SLC6A18: variants seen among roughly 807,000 people sequenced by gnomAD.
SLC6A18 encodes the protein inactive sodium-dependent neutral amino acid transporter B(0)AT3.
In SLC6A18, 58 loss-of-function variants were observed where a neutral mutation model predicts 62.9. The observed-to-expected ratio is 0.92, with a 90% CI of 0.75 to 1.15. The LOEUF (loss-of-function observed/expected upper bound fraction) is 1.15, where lower values mean the gene tolerates loss of function less well. Ranked by LOEUF, SLC6A18 falls within the 50% of genes most tolerant of loss-of-function variation. The pLI is 0.00. For synonymous variants in SLC6A18, 382 were observed against 365.8 expected (o/e 1.04, Z -0.51); for missense variants, 793 against 836.6 (o/e 0.95, Z 0.64).
At chr5:1,233,402 C>T (rs753919507) in intron 3 of SLC6A18, among the ~76,000 whole-genome samples, 22 of 151,972 alleles carry the variant, frequency 1.4e-4, no homozygotes, top group African/African-American at 1.9e-4. Flanking sequence ...TGCTTGAACC[C>T]GGGAAGTGGA....
At position 1,246,138 on chromosome 5, in the gene SLC6A18, G is replaced by A. The variant is rs1053722025; in HGVS notation, c.*60G>A. 7 of 1,429,058 alleles carry A rather than the reference G, an allele frequency of 4.9e-6. No homozygotes were observed. In the African/African-American group the frequency reaches 7.5e-5, roughly 15 times the overall value. The allele number at this position is 1,429,058 out of a possible 1,614,324, so 88.5% of individuals were successfully genotyped here. On this transcript the variant is annotated 3_prime_UTR_variant, in exon 12 of 12. Transcript: ENST00000324642. Reference sequence around the variant, plus strand: ...GTGGGGGGGCTTGGCCTGATGGTGGGCGGGGCCCCGCCCACAGGGCCGACC... The same window carrying A: ...GTGGGGGGGCTTGGCCTGATGGTGGACGGGGCCCCGCCCACAGGGCCGACC...
chr5:1,239,634 A>AAG, intron 6 of SLC6A18, 72 bp downstream of exon 6: 4 of 1,182,596 alleles, frequency 3.4e-6, no homozygotes, highest in Non-Finnish European at 5.0e-6. Context: ...TGATCTCAGG[A>AAG]TCACACTGTG....
rs201512302 is a variant in SLC6A18 at position 1,243,687 on chromosome 5, G to A, written c.1264G>A (p.Val422Met). 425 of 1,613,834 alleles carry A rather than the reference G, an allele frequency of 2.6e-4. No homozygotes were observed. The highest frequency in any genetic ancestry group is 3.3e-4 in the Middle Eastern group (2 of 6,084). Residue 422 changes from valine to methionine, a missense_variant, in exon 9 of 12, where the codon GTG (valine) becomes ATG (methionine). Coordinates refer to ENST00000324642, the MANE Select transcript of SLC6A18 (RefSeq NM_182632.3). This position sits in a 1 kb window ranked among gnomAD's most constrained non-coding sequence, Gnocchi z 6.5. ...GGGGCTATCGACCATGTTCGGGACC[G>A]TGGAGGCGGTCATCACACCCCTGCT... ...TLGLSTMFGT[V>M]EAVITPLLDV...
At chr5:1,229,689 C>T (rs1746673147) in intron 1 of SLC6A18, among the ~76,000 whole-genome samples, 1 of 152,258 alleles carries the variant, frequency 6.6e-6, no homozygotes, top group Non-Finnish European at 1.5e-5. Flanking sequence ...GAAGCCACTA[C>T]TGCGGGATGG....
chr5:1,233,044 G>A (rs557089605), intron 3 of SLC6A18, among the ~76,000 whole-genome samples, 156 bp downstream of exon 3: 44 of 152,346 alleles, frequency 2.9e-4, no homozygotes, highest in Middle Eastern at 3.4e-3. Flanking sequence ...CACGCGCCTC[G>A]GTCTCCCCAG....
Position 1,241,512 on chromosome 5 carries a change from G to A in SLC6A18, c.974+853G>A, listed in dbSNP as rs570063309. On this transcript the variant is annotated intron_variant, in intron 7 of 11. Coordinates refer to ENST00000324642, the MANE Select transcript of SLC6A18 (RefSeq NM_182632.3). This position sits in a 1 kb window ranked among gnomAD's most constrained non-coding sequence, Gnocchi z 7.8. The stretch of plus-strand genomic sequence containing the variant: ...CTGAGTGTTCCAACCCCAGCCTCCT[G>A]TGCTTGGGAGCAGGGCAGCACGTCA... Among the ~76,000 whole-genome samples the A allele has an allele frequency of 6.6e-6, 1 of 152,288 alleles. No individual in the cohort carries two copies. The highest frequency in any genetic ancestry group is 2.1e-4 in the South Asian group (1 of 4,810).
At chr5:1,244,850 C>A in intron 11 of SLC6A18, 83 bp downstream of exon 11, 1 of 1,456,134 alleles carries the variant, frequency 6.9e-7, no homozygotes, top group Non-Finnish European at 9.3e-7. Context: ...CGGTGCCCGA[C>A]GACCCATGCG....
At chr5:1,232,612 T>G (rs1579527034) in intron 2 of SLC6A18, 139 bp from the exon 3 acceptor site, 3 of 1,249,996 alleles carry the variant, frequency 2.4e-6, no homozygotes, top group East Asian at 5.0e-5. Flanking sequence ...ACATGTGAGG[T>G]GTGAGGGAGG....
In SLC6A18 at chr5:1,243,967, G is replaced by A. The variant is rs987570656; in HGVS notation, c.1336+208G>A. Among the ~76,000 whole-genome samples the A allele has an allele frequency of 2.0e-5, 3 of 152,148 alleles. No homozygotes were observed. Among genetic ancestry groups the A allele is most frequent in the Non-Finnish European group, 2.9e-5 (2 of 68,002 alleles). On this transcript the variant is annotated intron_variant, in intron 9 of 11. Coordinates refer to ENST00000324642, the MANE Select transcript of SLC6A18 (RefSeq NM_182632.3). The surrounding 1 kb of genome is among the most constrained non-coding windows in gnomAD (Gnocchi z 6.5). ...GGGTCAGGGCTGCCCCTCCCCCACG[G>A]CCCCGGAGGCCACATCCCCCATCTG...
chr5:1,235,697 T>G (rs1320023450), intron 4 of SLC6A18, 35 bp downstream of exon 4: 1 of 1,610,206 alleles, frequency 6.2e-7, no homozygotes, highest in East Asian at 2.2e-5. Context: ...CCTCTCTTGC[T>G]TCCTCCAGCC....
At chr5:1,238,415 G>GAGGAGGACTTCGGTCTGGGGCAGGT (rs1451924510) in intron 5 of SLC6A18, among the ~76,000 whole-genome samples, 1 of 70,014 alleles carries the variant, frequency 1.4e-5, no homozygotes, top group Non-Finnish European at 2.7e-5. Context: ...AGTGGGCCTG[G>GAGGAGGACTTCGGTCTGGGGCAGGT]GGCCTCAGGA....
chr5:1,229,784 TG>T (rs1375169230), intron 1 of SLC6A18, among the ~76,000 whole-genome samples: 3 of 115,408 alleles, frequency 2.6e-5, no homozygotes, highest in Non-Finnish European at 5.5e-5. Context: ...AGGCTGGGGG[TG>T]GGGGGAAGTG....
Position 1,235,598 on chromosome 5 carries a change from G to C in SLC6A18, c.557G>C (p.Cys186Ser). ...TCCATCCAGTGGTGGCTGCTCATCT[G>C]CTTGGCAGCCTCCTGGGCAGTCGTG... Reference protein sequence around the residue: ...SGSIQWWLLICLAASWAVVYM... With the variant: ...SGSIQWWLLISLAASWAVVYM... The change falls in exon 4 of 12, where the codon TGC becomes TCC. Residue 186 changes from cysteine (C) to serine (S), a missense_variant. By Grantham distance (112) the Cys-to-Ser change is moderately radical. Coordinates refer to ENST00000324642, the MANE Select transcript of SLC6A18 (RefSeq NM_182632.3). The C allele has an allele frequency of 6.2e-7, 1 of 1,614,002 alleles. No individual in the cohort carries two copies. Among genetic ancestry groups the C allele is most frequent in the South Asian group, 1.1e-5 (1 of 91,084 alleles).
chr5:1,245,830 G>T lies in SLC6A18; in HGVS notation c.1657-18G>T. 1 of 1,595,972 alleles carries T rather than the reference G, an allele frequency of 6.3e-7. No homozygotes were observed. On this transcript the variant is annotated intron_variant, in intron 11 of 11. Transcript: ENST00000324642. ...CCCAGGGTGGCCGGCGCCAGCTAAT[G>T]AGGCTGTGGTCCCGCAGGAGCTGTT...
intron 11 of SLC6A18, among the ~76,000 whole-genome samples, 171 bp from the exon 12 acceptor site, chr5:1,245,677 G>A (rs572287336): frequency 6.6e-6 from 1 of 152,368 alleles, no homozygotes; most frequent in African/African-American, 2.4e-5. Context: ...CTGGCCCGGA[G>A]GGGCGGTGGT....
chr5:1,232,349 C>T lies in SLC6A18; in HGVS notation c.291C>T (p.Leu97=), dbSNP rs772222009. 6.2e-7 allele frequency: 1 copy of T among 1,610,680 alleles called. No individual in the cohort carries two copies. Among genetic ancestry groups the T allele is most frequent in the Non-Finnish European group, 8.5e-7 (1 of 1,179,410 alleles). Residue 97 remains leucine (L), a synonymous_variant, in exon 2 of 12, where the codon CTC becomes CTT. Transcript: ENST00000324642. Reference sequence around the variant, plus strand: ...TGTGGACGGCCATCTCCCCGTACCTCAGTGGAGTAGGTAGGCCACCGTCCT... The same window carrying T: ...TGTGGACGGCCATCTCCCCGTACCTTAGTGGAGTAGGTAGGCCACCGTCCT... The part of the protein sequence containing the change: ...VGVWTAISPY[L]SGVGLGCVTL...
chr5:1,245,337 C>T lies in SLC6A18; in HGVS notation c.1657-511C>T, dbSNP rs554807337. Among the ~76,000 whole-genome samples, 18 of 152,328 alleles carry T rather than the reference C, an allele frequency of 1.2e-4. No homozygotes were observed. In the South Asian group the frequency reaches 2.1e-3, roughly 18 times the overall value. On this transcript the variant is annotated intron_variant, in intron 11 of 11. Transcript: ENST00000324642. ...CCCTGACATACCATCTGAGTCCCCA[C>T]TGGTGGCCGCTCAAAACCTCACCAT...
rs961126807 is a variant in SLC6A18, at chr5:1,241,631, A to G, written c.974+972A>G. ...GGCACTCACAGGCCACAGAAGGGAC[A>G]GTGTTTTACAGGATGAGCCGGGTCA... On this transcript the variant is annotated intron_variant, in intron 7 of 11. Coordinates refer to ENST00000324642, the MANE Select transcript of SLC6A18 (RefSeq NM_182632.3). This position sits in a 1 kb window ranked among gnomAD's most constrained non-coding sequence, Gnocchi z 7.8. Among the ~76,000 whole-genome samples the G allele has an allele frequency of 6.6e-6, 1 of 152,130 alleles. No homozygotes were observed. The highest frequency in any genetic ancestry group is 1.5e-5 in the Non-Finnish European group (1 of 68,016).
chr5:1,228,750 T>C (rs978492852), intron 1 of SLC6A18, among the ~76,000 whole-genome samples: 6 of 152,222 alleles, frequency 3.9e-5, no homozygotes, highest in Non-Finnish European at 8.8e-5. Context: ...CGTCTACTTG[T>C]AGCCCTGGCT....
Sources: gnomAD v4.1 joint callset for allele counts (sites outside exome capture counted in the v4.1 genomes callset) on GRCh38, gnomAD v4.1.1 for gene constraint, Gnocchi (gnomAD v3.1) non-coding constraint, MANE v1.5 for transcripts, NCBI Gene and HGNC (gene_info 2026-07-23, HGNC 2026-07-21) for gene names.